Variants in OLA1 observed in about 807,000 individuals in gnomAD.
The protein encoded by OLA1 is obg-like ATPase 1.
A neutral mutation model predicts 48.4 loss-of-function variants in OLA1; 14 were observed. The ratio of observed to expected loss-of-function variants is 0.29; its 90% CI spans 0.19 to 0.45. The LOEUF is 0.45. OLA1 is among the 20% of genes least tolerant of loss of function. The pLI is 1.00. For missense variants in OLA1, 325 were observed against 467.1 expected, an observed-to-expected ratio of 0.70 and a Z score of 2.80; for synonymous variants, 127 against 150.4, an observed-to-expected ratio of 0.84 and a Z score of 1.14.
At chr2:174,114,387 T>C (rs903722179) in intron 7 of OLA1, among the ~76,000 whole-genome samples, 5 of 130,280 alleles carry the variant, frequency 3.8e-5, no homozygotes, top group Non-Finnish European at 6.3e-5. Flanking sequence ...AAATCAATTA[T>C]ATTAAATGGA....
chr2:174,106,769 T>C (rs1001195679), intron 7 of OLA1, among the ~76,000 whole-genome samples: 2 of 152,174 alleles, frequency 1.3e-5, no homozygotes, highest in Non-Finnish European at 2.9e-5. Flanking sequence ...TGTGATGCTA[T>C]GCACTGGTGC....
At chr2:174,108,643 T>C (rs1006481936) in intron 7 of OLA1, among the ~76,000 whole-genome samples, 1 of 152,198 alleles carries the variant, frequency 6.6e-6, no homozygotes, top group Non-Finnish European at 1.5e-5. Context: ...GAATTTCTTA[T>C]GAATTTCTCC....
chr2:174,129,454 T>C (rs1345044121), intron 5 of OLA1, among the ~76,000 whole-genome samples: 2 of 116,644 alleles, frequency 1.7e-5, no homozygotes, highest in Non-Finnish European at 1.8e-5. Flanking sequence ...CGAGACTCCG[T>C]CTCAATAAAT....
At chr2:174,200,313 C>G (rs953943374) in intron 4 of OLA1, among the ~76,000 whole-genome samples, 6 of 152,098 alleles carry the variant, frequency 3.9e-5, no homozygotes, top group Non-Finnish European at 8.8e-5. Context: ...ATATTTCTGT[C>G]TTTCCATAGG....
chr2:174,086,595 G>A (rs1684983378), intron 7 of OLA1, among the ~76,000 whole-genome samples: 1 of 152,002 alleles, frequency 6.6e-6, no homozygotes, highest in Non-Finnish European at 1.5e-5. Context: ...TGCCTTTGGG[G>A]CCATTATTAA....
intron 9 of OLA1, chr2:174,079,405 AAT>A (rs1321338034): frequency 5.4e-6 from 1 of 183,924 alleles, no homozygotes; most frequent in African/African-American, 2.3e-5. Flanking sequence ...AGTGGAAAAA[AAT>A]AGATTTTTAA....
At chr2:174,144,951 A>AAAAAAAAAAAAAAATATATAT (rs1181030817) in intron 4 of OLA1, among the ~76,000 whole-genome samples, 1 of 40,278 alleles carries the variant, frequency 2.5e-5, no homozygotes, top group Non-Finnish European at 4.0e-5. Flanking sequence ...AAAAAAAAAA[A>AAAAAAAAAAAAAAATATATAT]ATATATATAT....
Position 174,132,754 on chromosome 2 carries a change from T to C in OLA1, c.549+9071A>G, listed in dbSNP as rs532387280. Reference sequence around the variant, plus strand: ...ATTTGTTTAATTGTTTTATGGCCAATGAAATGGTCAATTTTGGTAAATGTT... The same window carrying C: ...ATTTGTTTAATTGTTTTATGGCCAACGAAATGGTCAATTTTGGTAAATGTT... On this transcript the variant is annotated intron_variant, in intron 5 of 10. Coordinates refer to ENST00000284719, the MANE Select transcript of OLA1 (RefSeq NM_013341.5). 3.9e-5 allele frequency among the ~76,000 whole-genome samples: 6 copies of C among 152,312 alleles called. No homozygotes were observed. The South Asian group carries it at 1.2e-3, about 32-fold the overall frequency.
At chr2:174,170,162 G>A (rs1276609133) in intron 4 of OLA1, among the ~76,000 whole-genome samples, 1 of 152,176 alleles carries the variant, frequency 6.6e-6, no homozygotes, top group African/African-American at 2.4e-5. Context: ...GAACCCGGGA[G>A]GCGGAACTTG....
chr2:174,192,974 G>A (rs73035767), intron 4 of OLA1, among the ~76,000 whole-genome samples: 3,994 of 151,918 alleles, frequency 0.026, 167 homozygotes, highest in African/African-American at 0.09. Context: ...GTGTGTAAGC[G>A]TATGTGTGTG....
At chr2:174,243,289 CG>C (rs1190659325) in intron 2 of OLA1, among the ~76,000 whole-genome samples, 2 of 152,124 alleles carry the variant, frequency 1.3e-5, no homozygotes, top group Non-Finnish European at 1.5e-5. Context: ...TAACCAGGCA[CG>C]GTGTTTTGTG....
chr2:174,122,950 A>G (rs1279334231), intron 7 of OLA1, among the ~76,000 whole-genome samples: 1 of 152,192 alleles, frequency 6.6e-6, no homozygotes, highest in Admixed American at 6.5e-5. Context: ...GTAAATGTAT[A>G]TAATTCAATA....
chr2:174,118,844 A>G (rs939135573), intron 7 of OLA1, among the ~76,000 whole-genome samples: 11 of 152,200 alleles, frequency 7.2e-5, no homozygotes, highest in African/African-American at 2.4e-4. Flanking sequence ...CAAAAAATAC[A>G]AACAGGCCAA....
Position 174,130,322 on chromosome 2 carries a change from C to T in OLA1, c.550-6647G>A, listed in dbSNP as rs138362254. ...AAGGATTGGGCAATAATGAATGGAACTAGCAGTAATGCTCTACATGACTAT... is the reference window on the plus strand; with the variant it reads ...AAGGATTGGGCAATAATGAATGGAATTAGCAGTAATGCTCTACATGACTAT... On this transcript the variant is annotated intron_variant, in intron 5 of 10. Coordinates refer to ENST00000284719, the MANE Select transcript of OLA1 (RefSeq NM_013341.5). Among the ~76,000 whole-genome samples, 573 of 152,294 alleles carry T rather than the reference C, an allele frequency of 3.8e-3. 2 individuals are homozygous for T. Among genetic ancestry groups the T allele is most frequent in the African/African-American group, 0.013 (546 of 41,562 alleles).
At chr2:174,080,205 C>A (rs956939629) in intron 9 of OLA1, among the ~76,000 whole-genome samples, 5 of 151,946 alleles carry the variant, frequency 3.3e-5, no homozygotes, top group Non-Finnish European at 7.4e-5. Flanking sequence ...AGGCATTTAA[C>A]ATTATGTTAA....
intron 1 of OLA1, chr2:174,247,715 G>A (rs1689157462): frequency 6.4e-7 from 1 of 1,551,154 alleles, no homozygotes; most frequent in Non-Finnish European, 8.7e-7. Flanking sequence ...CTTTGGCACT[G>A]AAGGTACGGC....
chr2:174,241,194 G>T (rs1254925856), intron 2 of OLA1, among the ~76,000 whole-genome samples: 1 of 152,154 alleles, frequency 6.6e-6, no homozygotes, highest in East Asian at 1.9e-4. Flanking sequence ...CTGTTAAAAT[G>T]GCCATCTTGG....
chr2:174,202,711 A>C (rs1180335790), intron 4 of OLA1, among the ~76,000 whole-genome samples: 1 of 152,220 alleles, frequency 6.6e-6, no homozygotes, highest in Non-Finnish European at 1.5e-5. Flanking sequence ...CATCTTGTAA[A>C]CAGATAATAT....
chr2:174,128,314 G>T (rs754215191), intron 5 of OLA1, among the ~76,000 whole-genome samples: 11 of 151,736 alleles, frequency 7.2e-5, no homozygotes, highest in South Asian at 4.2e-4. Context: ...GTTGAGGGGG[G>T]TATTGCTTGA....
Sources: allele counts gnomAD v4.1 joint callset (sites outside exome capture counted in the v4.1 genomes callset), GRCh38; gene constraint gnomAD v4.1.1; transcripts MANE v1.5; gene names NCBI Gene and HGNC (gene_info 2026-07-23, HGNC 2026-07-21).